The following ZNF804B variants were observed in gnomAD, a reference collection of about 807,000 sequenced individuals.
ZNF804B encodes zinc finger 804B.
Under a neutral mutation model 101.4 loss-of-function variants are expected in ZNF804B, and 80 were observed. The observed-to-expected ratio is 0.79, with a 90% CI of 0.66 to 0.95. The LOEUF (loss-of-function observed/expected upper bound fraction) is 0.95, where lower values mean the gene tolerates loss of function less well. Among genes scored for constraint, ZNF804B ranks in the 40% least tolerant of loss-of-function variants. ZNF804B has a pLI of 0.00. For synonymous variants in ZNF804B, 622 were observed against 558.8 expected, an observed-to-expected ratio of 1.11 and a Z score of -1.59; for missense variants, 1,673 against 1,561.9, an observed-to-expected ratio of 1.07 and a Z score of -1.20.
chr7:89,333,312 A>G (rs766176055), intron 3 of ZNF804B, 51 bp from the exon 4 acceptor site: 9 of 1,448,382 alleles, frequency 6.2e-6, no homozygotes, highest in Admixed American at 2.6e-5. Flanking sequence ...ATATGTAGAT[A>G]TGATTCCAAA....
At chr7:88,926,943 C>CGGCGGG (rs1554346834) in intron 1 of ZNF804B, among the ~76,000 whole-genome samples, 1 of 144,352 alleles carries the variant, frequency 6.9e-6, no homozygotes, top group African/African-American at 2.7e-5. Context: ...TGGTGGGGAG[C>CGGCGGG]GGGGGGAAAG....
chr7:89,308,543 T>C lies in ZNF804B; in HGVS notation c.250-18801T>C, dbSNP rs143981658. Among the ~76,000 whole-genome samples the C allele has an allele frequency of 1.1e-4, 16 of 152,322 alleles. No homozygotes were observed. In the East Asian group the frequency reaches 3.1e-3, roughly 29 times the overall value. On this transcript the variant is annotated intron_variant, in intron 2 of 3. Coordinates refer to ENST00000333190, the MANE Select transcript of ZNF804B (RefSeq NM_181646.5). ...ATTACTAACAGTTAAATAATACTGA[T>C]ATTTTTCTGCAAATATAATTACCTC...
chr7:89,266,433 T>C (rs1421583225), intron 2 of ZNF804B, among the ~76,000 whole-genome samples: 2 of 152,122 alleles, frequency 1.3e-5, no homozygotes, highest in African/African-American at 4.8e-5. Flanking sequence ...TAAATAAATA[T>C]ATCTAGGTAG....
At chr7:89,078,142 A>G (rs2116308625) in intron 1 of ZNF804B, among the ~76,000 whole-genome samples, 1 of 152,216 alleles carries the variant, frequency 6.6e-6, no homozygotes, top group African/African-American at 2.4e-5. Context: ...CTCCATTTGG[A>G]ATTCCTTCCT....
chr7:89,316,817 G>A (rs1371555063), intron 2 of ZNF804B, among the ~76,000 whole-genome samples: 1 of 152,070 alleles, frequency 6.6e-6, no homozygotes, highest in Non-Finnish European at 1.5e-5. Flanking sequence ...TGAAGATTCT[G>A]AGCAGCACGG....
intron 1 of ZNF804B, among the ~76,000 whole-genome samples, chr7:89,197,527 A>T (rs902005706): frequency 2.0e-5 from 3 of 151,788 alleles, no homozygotes; most frequent in African/African-American, 7.2e-5. Flanking sequence ...TGGCTGTTTG[A>T]TTATAATATT....
chr7:88,854,414 C>CCTTTCTTTCTTTCTTTCTTTCTTT lies in ZNF804B; in HGVS notation c.108+94369_108+94392dup, dbSNP rs71120039. Among the ~76,000 whole-genome samples, 59 of 57,110 alleles carry CCTTTCTTTCTTTCTTTCTTTCTTT rather than the reference C, an allele frequency of 1.0e-3. 1 individual carries two copies. The highest frequency in any genetic ancestry group is 1.5e-3 in the South Asian group (2 of 1,378). The allele number at this position is 57,110 out of a possible 152,430, so 37.5% of individuals were successfully genotyped here. Reference sequence around the variant, plus strand: ...TTCTTTCTTTCTTTCTTTCTTTCTTCCTTTCTTTCTTTCTTTCTTTCTTTC... The same window carrying CCTTTCTTTCTTTCTTTCTTTCTTT: ...TTCTTTCTTTCTTTCTTTCTTTCTTCCTTTCTTTCTTTCTTTCTTTCTTTCTTTCTTTCTTTCTTTCTTTCTTTC... On this transcript the variant is annotated intron_variant, in intron 1 of 3. Coordinates refer to ENST00000333190, the MANE Select transcript of ZNF804B (RefSeq NM_181646.5).
chr7:88,903,557 T>G lies in ZNF804B; in HGVS notation c.108+143473T>G, dbSNP rs374744443. Among the ~76,000 whole-genome samples the G allele has an allele frequency of 1.3e-4, 20 of 152,358 alleles. No individual in the cohort carries two copies. The East Asian group carries it at 2.9e-3, about 22-fold the overall frequency. The stretch of plus-strand genomic sequence containing the variant: ...CTGCTTTTCACAGTGGCTGAACTGC[T>G]TTACATTCCCATCAACAGTGTAAAA... On this transcript the variant is annotated intron_variant, in intron 1 of 3. Coordinates refer to ENST00000333190, the MANE Select transcript of ZNF804B (RefSeq NM_181646.5).
chr7:88,824,449 G>A (rs1238170829), intron 1 of ZNF804B, among the ~76,000 whole-genome samples: 1 of 152,126 alleles, frequency 6.6e-6, no homozygotes, highest in East Asian at 1.9e-4. Context: ...GACCTCCCCA[G>A]CCATGCAGAA....
chr7:88,818,157 TAATA>T lies in ZNF804B; in HGVS notation c.108+58077_108+58080del, dbSNP rs1159175912. 3.9e-5 allele frequency among the ~76,000 whole-genome samples: 6 copies of T among 152,296 alleles called. 1 individual carries two copies. Among genetic ancestry groups the T allele is most frequent in the African/African-American group, 1.4e-4 (6 of 41,574 alleles). ...CCTATTTTTAAAACAGCAAAATCTA[TAATA>T]AATGAATAAATGTTTTATTAAATGT... is the stretch of plus-strand genomic sequence containing the variant. On this transcript the variant is annotated intron_variant, in intron 1 of 3. Coordinates refer to ENST00000333190, the MANE Select transcript of ZNF804B (RefSeq NM_181646.5).
At chr7:88,926,471 T>C (rs1271279998) in intron 1 of ZNF804B, among the ~76,000 whole-genome samples, 1 of 149,698 alleles carries the variant, frequency 6.7e-6, no homozygotes, top group Non-Finnish European at 1.5e-5. Flanking sequence ...GGTGCATGCC[T>C]GTAGTCCCAG....
chr7:89,226,977 T>C (rs1161103648), intron 2 of ZNF804B, among the ~76,000 whole-genome samples: 2 of 152,188 alleles, frequency 1.3e-5, no homozygotes, highest in African/African-American at 4.8e-5. Context: ...ACATATATAG[T>C]AAAGGCCTCC....
chr7:89,262,143 T>G (rs1789721044), intron 2 of ZNF804B, among the ~76,000 whole-genome samples: 1 of 152,252 alleles, frequency 6.6e-6, no homozygotes, highest in Non-Finnish European at 1.5e-5. Context: ...CTTTTTCAAC[T>G]TCGTTGATTG....
intron 1 of ZNF804B, among the ~76,000 whole-genome samples, chr7:88,968,240 A>T (rs59580287): frequency 0.026 from 4,007 of 151,630 alleles, 190 homozygotes; most frequent in African/African-American, 0.092. Flanking sequence ...ATTTACTAAT[A>T]CTATTGTCCT....
chr7:88,884,757 A>G (rs927819811), intron 1 of ZNF804B, among the ~76,000 whole-genome samples: 6 of 151,948 alleles, frequency 3.9e-5, no homozygotes, highest in African/African-American at 1.4e-4. Context: ...CTTTTGTCTT[A>G]AAAAAATTAA....
intron 1 of ZNF804B, among the ~76,000 whole-genome samples, chr7:88,948,124 C>T (rs1312001190): frequency 6.6e-6 from 1 of 151,758 alleles, no homozygotes; most frequent in Non-Finnish European, 1.5e-5. Flanking sequence ...TCCAGATCTC[C>T]TTGATAACCG....
At chr7:89,250,141 C>A in intron 2 of ZNF804B, among the ~76,000 whole-genome samples, 1 of 151,936 alleles carries the variant, frequency 6.6e-6, no homozygotes, top group Non-Finnish European at 1.5e-5. Flanking sequence ...GAGCTGAGAT[C>A]ACGCCACTGC....
At chr7:89,059,880 G>A (rs1789351940) in intron 1 of ZNF804B, among the ~76,000 whole-genome samples, 1 of 122,014 alleles carries the variant, frequency 8.2e-6, no homozygotes, top group Non-Finnish European at 1.7e-5. Context: ...TGCTGTCAGT[G>A]TTGGAGAGCA....
intron 1 of ZNF804B, among the ~76,000 whole-genome samples, chr7:89,065,468 T>C (rs1789444256): frequency 6.6e-6 from 1 of 152,192 alleles, no homozygotes; most frequent in African/African-American, 2.4e-5. Context: ...CAATAAAGCT[T>C]AGGCTTCAGA....
Sources: allele counts gnomAD v4.1 joint callset (sites outside exome capture counted in the v4.1 genomes callset), GRCh38; gene constraint gnomAD v4.1.1; transcripts MANE v1.5; gene names NCBI Gene and HGNC (gene_info 2026-07-23, HGNC 2026-07-21).